The following ELOVL7 variants were observed in gnomAD, a reference collection of about 807,000 sequenced individuals.
The protein encoded by ELOVL7 is ELOVL fatty acid elongase 7, also known as very long chain fatty acid elongase 7.
Under a neutral mutation model 35.7 loss-of-function variants are expected in ELOVL7, and 27 were observed. The observed-to-expected ratio is 0.76, with a 90% CI of 0.56 to 1.04. The LOEUF (loss-of-function observed/expected upper bound fraction) is 1.04. Ranked by LOEUF, ELOVL7 falls within the 50% of genes least tolerant of loss-of-function variation. The pLI, the probability that ELOVL7 is intolerant of heterozygous loss-of-function variation, is 0.00. For missense variants in ELOVL7, 327 were observed against 340.8 expected, an observed-to-expected ratio of 0.96 and a Z score of 0.32; for synonymous variants, 113 against 114.6, an observed-to-expected ratio of 0.99 and a Z score of 0.09.
chr5:60,790,452 C>T (rs1450900207), intron 2 of ELOVL7, among the ~76,000 whole-genome samples: 1 of 152,078 alleles, frequency 6.6e-6, no homozygotes, highest in Non-Finnish European at 1.5e-5. Flanking sequence ...TATGCAGATA[C>T]ACCCAAAATA....
chr5:60,784,405 C>G lies in ELOVL7; in HGVS notation c.64+2929G>C, dbSNP rs1416940988. On this transcript the variant is annotated intron_variant, in intron 3 of 8. Coordinates refer to ENST00000508821, the MANE Select transcript of ELOVL7 (RefSeq NM_024930.3). ...AAAAACTTTTTCATTTCTCCATTAT[C>G]CAAAATGCTACCATAGCATTATTTC... 5.3e-5 allele frequency among the ~76,000 whole-genome samples: 8 copies of G among 152,178 alleles called. 1 individual carries two copies. Among genetic ancestry groups the G allele is most frequent in the Non-Finnish European group, 1.5e-5 (1 of 68,026 alleles).
At chr5:60,814,057 C>T (rs538146274) in intron 1 of ELOVL7, among the ~76,000 whole-genome samples, 307 of 152,260 alleles carry the variant, frequency 2.0e-3, no homozygotes, top group African/African-American at 7.0e-3. Context: ...GCAACAAGAA[C>T]GAACTCAGCT....
intron 8 of ELOVL7, among the ~76,000 whole-genome samples, chr5:60,755,534 G>T (rs2112114278): frequency 6.6e-6 from 1 of 152,282 alleles, no homozygotes; most frequent in African/African-American, 2.4e-5. Context: ...GTACGCGCCT[G>T]TAGTCCCAGC....
chr5:60,816,066 T>C (rs904502970), intron 1 of ELOVL7, among the ~76,000 whole-genome samples: 15 of 152,172 alleles, frequency 9.9e-5, no homozygotes, highest in Non-Finnish European at 2.1e-4. Context: ...AAAATGGAGA[T>C]AATATATGTC....
At chr5:60,836,254 G>A (rs1561477495) in intron 1 of ELOVL7, among the ~76,000 whole-genome samples, 1 of 151,924 alleles carries the variant, frequency 6.6e-6, no homozygotes, top group Non-Finnish European at 1.5e-5. Context: ...CTCACAGCTT[G>A]ATTTAAAAAA....
chr5:60,843,760 C>A (rs902593167), intron 1 of ELOVL7, among the ~76,000 whole-genome samples: 3 of 152,138 alleles, frequency 2.0e-5, no homozygotes, highest in Non-Finnish European at 4.4e-5. Context: ...TCCCGCTCCG[C>A]TCCGCAGGGC....
chr5:60,754,573 A>C lies in ELOVL7; in HGVS notation c.*51T>G. 6.6e-7 allele frequency: 1 copy of C among 1,514,384 alleles called. No individual in the cohort carries two copies. The highest frequency in any genetic ancestry group is 2.3e-5 in the East Asian group (1 of 44,330). The allele number at this position is 1,514,384 out of a possible 1,614,324, so 93.8% of individuals were successfully genotyped here. A position where few individuals can be genotyped will look rare whatever the true frequency, so the allele number is the denominator to read the frequency against. On this transcript the variant is annotated 3_prime_UTR_variant, in exon 9 of 9. Coordinates refer to ENST00000508821, the MANE Select transcript of ELOVL7 (RefSeq NM_024930.3). Reference sequence around the variant, plus strand: ...GCACTGCATAGGTAAATATCTCTTGATTGTCAAGGAAGACAATGTATCAGT... The same window carrying C: ...GCACTGCATAGGTAAATATCTCTTGCTTGTCAAGGAAGACAATGTATCAGT...
chr5:60,753,366 T>A lies in ELOVL7; in HGVS notation c.*1258A>T, dbSNP rs1741365100. Reference sequence around the variant, plus strand: ...AGAAACAAAGTGTATGCCAAACGAATTTCAGTCCTTCATTACATGGTTTAT... The same window carrying A: ...AGAAACAAAGTGTATGCCAAACGAAATTCAGTCCTTCATTACATGGTTTAT... On this transcript the variant is annotated 3_prime_UTR_variant, in exon 9 of 9. Transcript: ENST00000508821. 6.6e-6 allele frequency: 1 copy of A among 152,144 alleles called. No individual in the cohort carries two copies. The highest frequency in any genetic ancestry group is 2.4e-5 in the African/African-American group (1 of 41,436). 9.4% of individuals were successfully genotyped at this position (152,144 alleles called of 1,614,324 possible). A position where few individuals can be genotyped will look rare whatever the true frequency, so the allele number is the denominator to read the frequency against.
rs1741301067 is a variant in ELOVL7 at position 60,751,841 on chromosome 5, A to T, written c.*2783T>A. Reference sequence around the variant, plus strand: ...TAATACACAGGGAAAAACAAACTCAAACTTTGACAACATCCACAGAATGTT... The same window carrying T: ...TAATACACAGGGAAAAACAAACTCATACTTTGACAACATCCACAGAATGTT... On this transcript the variant is annotated 3_prime_UTR_variant, in exon 9 of 9. Coordinates refer to ENST00000508821, the MANE Select transcript of ELOVL7 (RefSeq NM_024930.3). 1.3e-5 allele frequency: 2 copies of T among 152,234 alleles called. No homozygotes were observed. Among genetic ancestry groups the T allele is most frequent in the South Asian group, 4.1e-4 (2 of 4,832 alleles). 9.4% of individuals were successfully genotyped at this position (152,234 alleles called of 1,614,324 possible).
intron 1 of ELOVL7, among the ~76,000 whole-genome samples, chr5:60,838,319 C>A (rs554607499): frequency 2.0e-5 from 3 of 152,318 alleles, no homozygotes; most frequent in Admixed American, 2.0e-4. Context: ...CTAACTCGCA[C>A]TCTTCCTTCT....
intron 2 of ELOVL7, among the ~76,000 whole-genome samples, chr5:60,791,292 T>C (rs933606296): frequency 6.6e-6 from 1 of 152,148 alleles, no homozygotes; most frequent in Non-Finnish European, 1.5e-5. Flanking sequence ...CAGCCATTTA[T>C]CATTTAGAGA....
intron 4 of ELOVL7, chr5:60,768,806 T>C (rs112871482): frequency 7.9e-6 from 2 of 253,890 alleles, no homozygotes; most frequent in South Asian, 3.3e-5. Flanking sequence ...AAATACCCCC[T>C]GGGAGATCTT....
intron 1 of ELOVL7, among the ~76,000 whole-genome samples, chr5:60,840,825 GCAAAGATAAGTATTACTA>G (rs1189154102): frequency 7.2e-5 from 11 of 152,050 alleles, no homozygotes; most frequent in African/African-American, 2.7e-4. Context: ...TGATACAACT[GCAAAGATAAGTATTACTA>G]TAACTTAGGT....
chr5:60,758,743 A>G (rs2112126667), intron 7 of ELOVL7, among the ~76,000 whole-genome samples: 1 of 152,012 alleles, frequency 6.6e-6, no homozygotes, highest in Middle Eastern at 3.4e-3. Context: ...CGGGAGGAAC[A>G]CTCTCCCTGG....
At chr5:60,817,024 A>G (rs1206157909) in intron 1 of ELOVL7, among the ~76,000 whole-genome samples, 1 of 152,170 alleles carries the variant, frequency 6.6e-6, no homozygotes, top group Non-Finnish European at 1.5e-5. Context: ...TGAGCTAATT[A>G]TTTTATAATA....
intron 1 of ELOVL7, among the ~76,000 whole-genome samples, chr5:60,830,606 TTTC>T (rs946631751): frequency 6.0e-5 from 9 of 149,844 alleles, no homozygotes; most frequent in African/African-American, 1.9e-4. Context: ...TTTTTCTTTC[TTTC>T]TTTTTTTTTT....
At position 60,753,260 on chromosome 5, in the gene ELOVL7, T is replaced by C. The variant is rs1000286950; in HGVS notation, c.*1364A>G. On this transcript the variant is annotated 3_prime_UTR_variant, in exon 9 of 9. Coordinates refer to ENST00000508821, the MANE Select transcript of ELOVL7 (RefSeq NM_024930.3). ...TCACAAATGTCCAAATATTATTTCATGGACAAAACTCTACTGACTAATAGT... is the reference window on the plus strand; with the variant it reads ...TCACAAATGTCCAAATATTATTTCACGGACAAAACTCTACTGACTAATAGT... The C allele has an allele frequency of 2.0e-5, 3 of 152,092 alleles. No individual in the cohort carries two copies. The highest frequency in any genetic ancestry group is 2.4e-5 in the African/African-American group (1 of 41,422). 9.4% of individuals were successfully genotyped at this position (152,092 alleles called of 1,614,324 possible).
chr5:60,820,500 A>G (rs1745819111), intron 1 of ELOVL7, among the ~76,000 whole-genome samples: 1 of 152,234 alleles, frequency 6.6e-6, no homozygotes, highest in South Asian at 2.1e-4. Flanking sequence ...CCCTGTGACC[A>G]GTGTCTGGGA....
chr5:60,805,409 G>A (rs1744865306), intron 1 of ELOVL7, among the ~76,000 whole-genome samples: 1 of 152,192 alleles, frequency 6.6e-6, no homozygotes, highest in African/African-American at 2.4e-5. Flanking sequence ...AGATTACAGT[G>A]GTGGCACCTG....
Sources: gnomAD v4.1 joint callset for allele counts (sites outside exome capture counted in the v4.1 genomes callset) on GRCh38, gnomAD v4.1.1 for gene constraint, MANE v1.5 for transcripts, NCBI Gene and HGNC (gene_info 2026-07-23, HGNC 2026-07-21) for gene names.